The following CDH4 variants were observed in gnomAD, a reference collection of about 807,000 sequenced individuals.
CDH4 encodes cadherin-4.
Under a neutral mutation model 86.0 loss-of-function variants are expected in CDH4, and 33 were observed. The observed-to-expected ratio is 0.38, with a 90% CI of 0.29 to 0.51. The LOEUF is 0.51. Ranked by LOEUF, CDH4 falls within the 20% of genes least tolerant of loss-of-function variation. The pLI, the probability that CDH4 is intolerant of heterozygous loss-of-function variation, is 0.86. For missense variants in CDH4, 1,114 were observed against 1,307.4 expected (o/e 0.85, Z 2.28); for synonymous variants, 555 against 549.4 (o/e 1.01, Z -0.14).
chr20:61,711,570 C>A (rs62197828), intron 2 of CDH4, among the ~76,000 whole-genome samples: 1 of 152,136 alleles, frequency 6.6e-6, no homozygotes, highest in African/African-American at 2.4e-5. Flanking sequence ...CTCATAAGGA[C>A]GCTGTGAGGA....
intron 2 of CDH4, among the ~76,000 whole-genome samples, chr20:61,714,267 C>T (rs184807584): frequency 5.9e-5 from 9 of 152,034 alleles, no homozygotes; most frequent in Non-Finnish European, 1.0e-4. Context: ...AGGATGGTCT[C>T]CATCTCCTGA....
At chr20:61,467,195 C>G (rs1447838270) in intron 2 of CDH4, among the ~76,000 whole-genome samples, 1 of 152,186 alleles carries the variant, frequency 6.6e-6, no homozygotes, top group Non-Finnish European at 1.5e-5. Context: ...AGTCACAGAC[C>G]TCATTAGTAC....
At chr20:61,929,916 G>A in intron 13 of CDH4, 74 bp downstream of exon 13, 1 of 1,238,276 alleles carries the variant, frequency 8.1e-7, no homozygotes, top group South Asian at 1.2e-5. Context: ...ATGGTGGGCA[G>A]AGGGGGGCCT....
Position 61,536,789 on chromosome 20 carries a change from G to T in CDH4, c.170-206774G>T, listed in dbSNP as rs79600040. Among the ~76,000 whole-genome samples the T allele has an allele frequency of 1.2e-3, 190 of 152,306 alleles. 2 individuals carry two copies. In the East Asian group the frequency reaches 0.032, roughly 26 times the overall value. Reference sequence around the variant, plus strand: ...CCCTGGCATCTGGTGGGTATAGTTTGGGGATGCCGCTACACACCCCACAGT... The same window carrying T: ...CCCTGGCATCTGGTGGGTATAGTTTTGGGATGCCGCTACACACCCCACAGT... On this transcript the variant is annotated intron_variant, in intron 2 of 15. Transcript: ENST00000614565.
chr20:61,712,747 G>A (rs1418467691), intron 2 of CDH4, among the ~76,000 whole-genome samples: 1 of 152,152 alleles, frequency 6.6e-6, no homozygotes, highest in Non-Finnish European at 1.5e-5. Flanking sequence ...GAATTCAGAG[G>A]GGCAGCCCCC....
intron 2 of CDH4, among the ~76,000 whole-genome samples, chr20:61,458,222 A>G (rs1335698872): frequency 6.9e-6 from 1 of 144,442 alleles, no homozygotes; most frequent in African/African-American, 2.6e-5. Flanking sequence ...GACAGTGCTG[A>G]TGGTGGTGGC....
chr20:61,578,344 T>C (rs1363481972), intron 2 of CDH4, among the ~76,000 whole-genome samples: 1 of 152,214 alleles, frequency 6.6e-6, no homozygotes, highest in African/African-American at 2.4e-5. Context: ...CTTTAATTTT[T>C]TGCTTTTGTC....
intron 6 of CDH4, among the ~76,000 whole-genome samples, chr20:61,871,703 C>T (rs996163130): frequency 1.1e-4 from 16 of 152,116 alleles, no homozygotes; most frequent in African/African-American, 3.9e-4. Flanking sequence ...CAAGGATCAT[C>T]GGGGTGGGGT....
intron 2 of CDH4, among the ~76,000 whole-genome samples, chr20:61,701,665 G>A (rs1296005475): frequency 6.6e-6 from 1 of 152,226 alleles, no homozygotes; most frequent in African/African-American, 2.4e-5. Context: ...GAGCAAGAAG[G>A]AACGGACTCA....
intron 4 of CDH4, among the ~76,000 whole-genome samples, chr20:61,795,102 GTGA>G (rs372428619): frequency 1.8e-5 from 2 of 111,150 alleles, no homozygotes; most frequent in Non-Finnish European, 3.9e-5. Flanking sequence ...GGTAATGATG[GTGA>G]TGATGGTGGT....
chr20:61,500,044 A>T (rs1382946825), intron 2 of CDH4, among the ~76,000 whole-genome samples: 2 of 152,176 alleles, frequency 1.3e-5, no homozygotes, highest in Non-Finnish European at 2.9e-5. Flanking sequence ...TTGCTATGAC[A>T]ACAGCGCTGG....
rs879134133 is a variant in CDH4, at chr20:61,283,435, CTGTGG to C, written c.169+28503_169+28507del. On this transcript the variant is annotated intron_variant, in intron 2 of 15. Transcript: ENST00000614565. ...ATGTGTGTGCGTTTGCACGCGTGTG[CTGTGG>C]TGTGTGTGATGTGTGTGCGTTTGCA... is the stretch of plus-strand genomic sequence containing the variant. Among the ~76,000 whole-genome samples, 92 of 37,148 alleles carry C rather than the reference CTGTGG, an allele frequency of 2.5e-3. No homozygotes were observed. The East Asian group carries it at 0.038, about 15-fold the overall frequency. The allele number at this position is 37,148 out of a possible 152,430, so 24.4% of individuals were successfully genotyped here.
chr20:61,260,756 G>A (rs1462084137), intron 2 of CDH4, among the ~76,000 whole-genome samples: 1 of 152,208 alleles, frequency 6.6e-6, no homozygotes, highest in Admixed American at 6.5e-5. Flanking sequence ...TCTGGGGGTG[G>A]TCCTTGCCTT....
At chr20:61,357,873 G>A (rs1600897771) in intron 2 of CDH4, among the ~76,000 whole-genome samples, 1 of 152,132 alleles carries the variant, frequency 6.6e-6, no homozygotes, top group Non-Finnish European at 1.5e-5. Context: ...CAGGAACAAC[G>A]ATTCTTTGCT....
intron 2 of CDH4, among the ~76,000 whole-genome samples, chr20:61,458,732 G>T (rs2085424476): frequency 6.6e-6 from 1 of 151,988 alleles, no homozygotes; most frequent in African/African-American, 2.4e-5. Context: ...TGATGTGGTA[G>T]CAGTGGTGAC....
chr20:61,727,201 A>G (rs955325726), intron 2 of CDH4, among the ~76,000 whole-genome samples: 1 of 151,796 alleles, frequency 6.6e-6, no homozygotes, highest in Non-Finnish European at 1.5e-5. Flanking sequence ...CAGAGTCATC[A>G]TCTTCACCAC....
intron 2 of CDH4, among the ~76,000 whole-genome samples, chr20:61,302,979 G>A (rs1280636097): frequency 6.6e-6 from 1 of 152,184 alleles, no homozygotes; most frequent in Non-Finnish European, 1.5e-5. Flanking sequence ...CCAGAGGCTA[G>A]ACAAGGAAGG....
intron 2 of CDH4, among the ~76,000 whole-genome samples, chr20:61,263,049 C>T (rs6028084): frequency 0.56 from 85,002 of 151,554 alleles, 24,518 homozygotes; most frequent in East Asian, 0.72. Flanking sequence ...GAAGTAATTT[C>T]TCCTCCAAGT....
At chr20:61,451,123 C>CCA (rs913494957) in intron 2 of CDH4, among the ~76,000 whole-genome samples, 18 of 73,138 alleles carry the variant, frequency 2.5e-4, no homozygotes, top group African/African-American at 2.0e-3. Context: ...CCCTCTCACG[C>CCA]CCCCCCCCTT....
Sources: allele counts gnomAD v4.1 joint callset (sites outside exome capture counted in the v4.1 genomes callset), GRCh38; gene constraint gnomAD v4.1.1; transcripts MANE v1.5; gene names NCBI Gene and HGNC (gene_info 2026-07-23, HGNC 2026-07-21).